PEX7: variants seen among roughly 807,000 people sequenced by gnomAD.
The protein encoded by PEX7 is peroxisomal biogenesis factor 7, also known as PTS2 receptor.
In PEX7, 34 loss-of-function variants were observed where a neutral mutation model predicts 47.5. The observed-to-expected ratio is 0.72, with a 90% confidence interval of 0.54 to 0.95. The LOEUF is 0.95. Among genes scored for constraint, PEX7 ranks in the 40% least tolerant of loss-of-function variants. PEX7 has a pLI of 0.00. For missense variants in PEX7, 394 were observed against 400.3 expected, an observed-to-expected ratio of 0.98 and a Z score of 0.13; for synonymous variants, 141 against 148.8, an observed-to-expected ratio of 0.95 and a Z score of 0.38.
intron 5 of PEX7, among the ~76,000 whole-genome samples, chr6:136,863,402 G>A (rs1482668719): frequency 6.6e-6 from 1 of 151,798 alleles, no homozygotes; most frequent in Non-Finnish European, 1.5e-5. Flanking sequence ...TAATGTAGCA[G>A]GACAGTATTT....
intron 9 of PEX7, among the ~76,000 whole-genome samples, chr6:136,906,083 A>G (rs1487269036): frequency 6.6e-6 from 1 of 152,126 alleles, no homozygotes; most frequent in Non-Finnish European, 1.5e-5. Flanking sequence ...CATCCCATTG[A>G]TTCTCCATGT....
rs141499686 is a variant in PEX7 at position 136,844,333 on chromosome 6, T to A, written c.340-1282T>A. 2.0e-3 allele frequency among the ~76,000 whole-genome samples: 302 copies of A among 152,070 alleles called. 3 individuals are homozygous for A. The highest frequency in any genetic ancestry group is 6.5e-3 in the African/African-American group (270 of 41,470). ...TGCAGTGAGCTGAGATTGTGCCCAC[T>A]GCACTCCAGCCTGGGCGACTGCGCA... is the stretch of plus-strand genomic sequence containing the variant. On this transcript the variant is annotated intron_variant, in intron 3 of 9. Coordinates refer to ENST00000318471, the MANE Select transcript of PEX7 (RefSeq NM_000288.4).
In PEX7 at chr6:136,825,266, T is replaced by A. The variant is rs1562725419; in HGVS notation, c.183T>A (p.Phe61Leu). Reference sequence around the variant, plus strand: ...CAGATGAAGCTGGGCTAAGGCTTTTTAGAAGGTAAGGGGGCTGAAATTATT... The same window carrying A: ...CAGATGAAGCTGGGCTAAGGCTTTTAAGAAGGTAAGGGGGCTGAAATTATT... Reference protein sequence around the residue: ...LDPDEAGLRLFRSFDWNDGLF... With the variant: ...LDPDEAGLRLLRSFDWNDGLF... Residue 61 changes from phenylalanine (F) to leucine (L), a missense_variant, in exon 2 of 10, where the codon TTT (phenylalanine) becomes TTA (leucine). Phe to Leu is a conservative substitution (Grantham distance 22). Coordinates refer to ENST00000318471, the MANE Select transcript of PEX7 (RefSeq NM_000288.4). 1 of 1,612,462 alleles carries A rather than the reference T, an allele frequency of 6.2e-7. No homozygotes were observed. The highest frequency in any genetic ancestry group is 8.5e-7 in the Non-Finnish European group (1 of 1,178,454).
At chr6:136,856,205 CCT>C (rs1774859233) in intron 5 of PEX7, among the ~76,000 whole-genome samples, 1 of 151,258 alleles carries the variant, frequency 6.6e-6, no homozygotes, top group Non-Finnish European at 1.5e-5. Context: ...GTAGAAGACC[CCT>C]GTTTCATTAC....
chr6:136,842,087 CT>C (rs1774511341), intron 3 of PEX7, among the ~76,000 whole-genome samples: 1 of 151,748 alleles, frequency 6.6e-6, no homozygotes, highest in Admixed American at 6.6e-5. Context: ...CAACCTCCAC[CT>C]CCTGGGAGCG....
In PEX7 at chr6:136,898,125, T is replaced by C; in HGVS notation, c.804-17T>C. ...AGTTTTAGCATTTAAATTATTCCCT[T>C]TTATTTATCTTCACAGATTCTGGAA... On this transcript the variant is annotated splice_polypyrimidine_tract_variant and intron_variant, in intron 8 of 9. Transcript: ENST00000318471. The C allele has an allele frequency of 1.4e-6, 2 of 1,468,430 alleles. No homozygotes were observed. Among genetic ancestry groups the C allele is most frequent in the Non-Finnish European group, 1.9e-6 (2 of 1,047,366 alleles). 91.0% of individuals were successfully genotyped at this position (1,468,430 alleles called of 1,614,324 possible).
intron 5 of PEX7, chr6:136,855,675 TTTTG>T (rs1400534084): frequency 1.0e-4 from 32 of 312,526 alleles, no homozygotes; most frequent in South Asian, 5.4e-4. Context: ...ATTTGGGCAT[TTTTG>T]TTTGTTTGTT....
intron 5 of PEX7, among the ~76,000 whole-genome samples, chr6:136,862,737 A>G (rs890682360): frequency 6.6e-6 from 1 of 152,176 alleles, no homozygotes; most frequent in Non-Finnish European, 1.5e-5. Context: ...TTTCAGTTAT[A>G]GTTCAGAAAA....
At chr6:136,828,160 A>G (rs1294511540) in intron 3 of PEX7, among the ~76,000 whole-genome samples, 3 of 152,200 alleles carry the variant, frequency 2.0e-5, no homozygotes. Flanking sequence ...TGCTTCATTT[A>G]TCCTAAAACA....
chr6:136,853,783 C>T (rs939932808), intron 5 of PEX7, among the ~76,000 whole-genome samples: 2 of 152,018 alleles, frequency 1.3e-5, no homozygotes, highest in African/African-American at 4.8e-5. Context: ...CTAGTAATGC[C>T]TATGTATAGA....
Position 136,897,944 on chromosome 6 carries a change from T to A in PEX7, c.804-198T>A, listed in dbSNP as rs543080648. Among the ~76,000 whole-genome samples the A allele has an allele frequency of 2.2e-3, 332 of 151,978 alleles. 2 individuals carry two copies. Among genetic ancestry groups the A allele is most frequent in the African/African-American group, 7.5e-3 (313 of 41,508 alleles). ...GGTAGATTGATGTAGGGTTTTTTTT[T>A]TATATATATAATAGGATGGAGTACT... On this transcript the variant is annotated intron_variant, in intron 8 of 9. Transcript: ENST00000318471.
intron 3 of PEX7, among the ~76,000 whole-genome samples, chr6:136,831,261 A>G (rs1312385464): frequency 6.6e-6 from 1 of 151,892 alleles, no homozygotes; most frequent in Admixed American, 6.6e-5. Context: ...GAGAGAGAGA[A>G]AGAGAGAGAG....
At chr6:136,871,380 T>C (rs1775179037) in intron 7 of PEX7, among the ~76,000 whole-genome samples, 1 of 152,226 alleles carries the variant, frequency 6.6e-6, no homozygotes, top group Non-Finnish European at 1.5e-5. Context: ...AGCTGTAATA[T>C]ACAAATAACG....
rs555713917 is a variant in PEX7, at chr6:136,871,284, G to A, written c.748-914G>A. ...ACACTGAAGAAATGTAATTGCAAAG[G>A]TCAACTTATTAAGTACATTATTACT... On this transcript the variant is annotated intron_variant, in intron 7 of 9. Transcript: ENST00000318471. Among the ~76,000 whole-genome samples, 6 of 152,150 alleles carry A rather than the reference G, an allele frequency of 3.9e-5. No individual in the cohort carries two copies. In the South Asian group the frequency reaches 6.2e-4, roughly 16 times the overall value.
chr6:136,867,022 C>T (rs1775084411), intron 6 of PEX7, among the ~76,000 whole-genome samples: 1 of 152,152 alleles, frequency 6.6e-6, no homozygotes, highest in African/African-American at 2.4e-5. Context: ...CTTTATTGCT[C>T]TTAACCCTGC....
At chr6:136,860,100 CTA>C (rs1562741109) in intron 5 of PEX7, among the ~76,000 whole-genome samples, 1 of 152,048 alleles carries the variant, frequency 6.6e-6, no homozygotes, top group Non-Finnish European at 1.5e-5. Context: ...TCAGGTGAGT[CTA>C]TGGCACCATC....
intron 3 of PEX7, among the ~76,000 whole-genome samples, chr6:136,839,557 A>G (rs1774456954): frequency 6.6e-6 from 1 of 152,200 alleles, no homozygotes; most frequent in South Asian, 2.1e-4. Flanking sequence ...ATTTAATCAG[A>G]TAGGCCTCTA....
chr6:136,826,892 A>G lies in PEX7; in HGVS notation c.339+423A>G, dbSNP rs77875257. On this transcript the variant is annotated intron_variant, in intron 3 of 9. Transcript: ENST00000318471. ...TTTCAGAGTATATTGGAGCAAGAGC[A>G]TAAAATACTGAGTATGAGGCAGAAC... Among the ~76,000 whole-genome samples, 588 of 152,346 alleles carry G rather than the reference A, an allele frequency of 3.9e-3. 16 individuals carry two copies. The South Asian group carries it at 0.057, about 15-fold the overall frequency.
intron 8 of PEX7, among the ~76,000 whole-genome samples, chr6:136,872,711 T>A (rs1486787802): frequency 1.3e-5 from 2 of 152,220 alleles, no homozygotes; most frequent in African/African-American, 4.8e-5. Context: ...TGTGCATGGA[T>A]ATCTAGATAA....
Sources: allele counts gnomAD v4.1 joint callset (sites outside exome capture counted in the v4.1 genomes callset), GRCh38; gene constraint gnomAD v4.1.1; transcripts MANE v1.5; gene names NCBI Gene and HGNC (gene_info 2026-07-23, HGNC 2026-07-21).